The following STEAP3 variants were observed in gnomAD, a reference collection of about 807,000 sequenced individuals.
STEAP3 encodes the protein STEAP3 metalloreductase, also known as metalloreductase STEAP3.
In STEAP3, 35 loss-of-function variants were observed where a neutral mutation model predicts 34.9. The observed-to-expected ratio is 1.00, with a 90% CI of 0.76 to 1.33. The LOEUF is 1.33. Among genes scored for constraint, STEAP3 ranks in the 40% most tolerant of loss-of-function variants. The pLI is 0.00. For synonymous variants in STEAP3, 281 were observed against 301.6 expected (o/e 0.93, Z 0.71); for missense variants, 652 against 667.6 (o/e 0.98, Z 0.26).
chr2:119,230,666 A>C lies in STEAP3; in HGVS notation c.-347A>C. ...CATCCTGGGTTCTACTGGTCGTCCC[A>C]CCTCAGTTCCTGTAGCAAAGAGACT... On this transcript the variant is annotated 5_prime_UTR_variant, in exon 2 of 6. Coordinates refer to ENST00000393110, the MANE Select transcript of STEAP3 (RefSeq NM_182915.3). The C allele has an allele frequency of 2.4e-6, 1 of 409,424 alleles. No individual in the cohort carries two copies. Among genetic ancestry groups the C allele is most frequent in the East Asian group, 4.2e-5 (1 of 23,792 alleles). 25.4% of individuals were successfully genotyped at this position (409,424 alleles called of 1,614,324 possible). A position where few individuals can be genotyped will look rare whatever the true frequency, so the allele number is the denominator to read the frequency against.
In STEAP3 at chr2:119,236,172, T is replaced by TGG. The variant is rs1446158471; in HGVS notation, c.22+5138_22+5139insGG. 3.3e-5 allele frequency among the ~76,000 whole-genome samples: 5 copies of TGG among 152,238 alleles called. 1 individual carries two copies. The highest frequency in any genetic ancestry group is 4.1e-4 in the South Asian group (2 of 4,830). ...GTGTATTGATTTGGGTGCATCTATT[T>TGG]CTGCTTTACCCAGACAAAAAGATTT... On this transcript the variant is annotated intron_variant, in intron 2 of 5. Transcript: ENST00000393110.
At position 119,263,278 on chromosome 2, in the gene STEAP3, C is replaced by T. The variant is rs781682924; in HGVS notation, c.1437C>T (p.Ser479=). 4 of 1,614,046 alleles carry T rather than the reference C, an allele frequency of 2.5e-6. No homozygotes were observed. The highest frequency in any genetic ancestry group is 3.4e-6 in the Non-Finnish European group (4 of 1,180,026). Residue 479 remains serine (S), a synonymous_variant, in exon 6 of 6, where the codon AGC becomes AGT. Transcript: ENST00000393110. ...ARIRRGWERE[S]TIKFTLPTDH... ...TCCGGAGAGGCTGGGAGAGGGAGAG[C>T]ACCATCAAGTTCACGCTGCCCACAG...
At chr2:119,249,473 A>G (rs992419987) in intron 4 of STEAP3, among the ~76,000 whole-genome samples, 35 of 152,102 alleles carry the variant, frequency 2.3e-4, no homozygotes, top group African/African-American at 8.0e-4. Context: ...TGCCCACTCC[A>G]GGACGCTAGT....
At chr2:119,240,045 A>G (rs2104808141) in intron 2 of STEAP3, among the ~76,000 whole-genome samples, 1 of 152,318 alleles carries the variant, frequency 6.6e-6, no homozygotes, top group East Asian at 1.9e-4. Flanking sequence ...TTAATTGAAA[A>G]TAAGTAGCTG....
At chr2:119,261,762 G>A (rs1156298951) in intron 5 of STEAP3, among the ~76,000 whole-genome samples, 1 of 152,212 alleles carries the variant, frequency 6.6e-6, no homozygotes, top group Non-Finnish European at 1.5e-5. Flanking sequence ...CCAAGAGGCT[G>A]GAGTCATAGA....
At chr2:119,229,957 C>T (rs1046289512) in intron 1 of STEAP3, among the ~76,000 whole-genome samples, 45 of 152,088 alleles carry the variant, frequency 3.0e-4, no homozygotes, top group Admixed American at 2.6e-4. Context: ...CAGGGGGCCA[C>T]AGCAGTCAGA....
chr2:119,245,472 C>T lies in STEAP3; in HGVS notation c.23-17C>T. On this transcript the variant is annotated splice_polypyrimidine_tract_variant and intron_variant, in intron 2 of 5. Coordinates refer to ENST00000393110, the MANE Select transcript of STEAP3 (RefSeq NM_182915.3). Reference sequence around the variant, plus strand: ...CCAGGAGCCCTCCACTGACCAGGTTCCTGACTTCTCTTGCAGCCACCAAAA... The same window carrying T: ...CCAGGAGCCCTCCACTGACCAGGTTTCTGACTTCTCTTGCAGCCACCAAAA... 6.4e-7 allele frequency: 1 copy of T among 1,563,190 alleles called. No individual in the cohort carries two copies. Among genetic ancestry groups the T allele is most frequent in the Non-Finnish European group, 8.7e-7 (1 of 1,149,666 alleles).
At chr2:119,242,586 A>G (rs556579620) in intron 2 of STEAP3, among the ~76,000 whole-genome samples, 1 of 152,130 alleles carries the variant, frequency 6.6e-6, no homozygotes, top group Admixed American at 6.5e-5. Context: ...CCTGGGCCCT[A>G]CTGCTGGCAC....
At chr2:119,251,466 A>C (rs982593882) in intron 4 of STEAP3, among the ~76,000 whole-genome samples, 20 of 152,166 alleles carry the variant, frequency 1.3e-4, no homozygotes, top group African/African-American at 4.3e-4. Flanking sequence ...ATTTCCCTGG[A>C]AATACACATT....
intron 2 of STEAP3, among the ~76,000 whole-genome samples, chr2:119,238,724 A>G (rs1454717874): frequency 2.0e-5 from 3 of 152,182 alleles, no homozygotes; most frequent in Non-Finnish European, 2.9e-5. Context: ...GCTTACACAA[A>G]GGCTCTGTGA....
At position 119,264,808 on chromosome 2, in the gene STEAP3, C is replaced by CG. The variant is rs1558762673; in HGVS notation, c.*1470_*1471insG. 1 of 126,608 alleles carries CG rather than the reference C, an allele frequency of 7.9e-6. No individual in the cohort carries two copies. The highest frequency in any genetic ancestry group is 2.9e-5 in the African/African-American group (1 of 34,548). The allele number at this position is 126,608 out of a possible 1,614,324, so 7.8% of individuals were successfully genotyped here. On this transcript the variant is annotated 3_prime_UTR_variant, in exon 6 of 6. Coordinates refer to ENST00000393110, the MANE Select transcript of STEAP3 (RefSeq NM_182915.3). ...TCACAGATGAGGCTGCCCCTGCCCC[C>CG]CCCCCGCCAGGGAGGTTTCATGAGC...
At chr2:119,249,015 G>A (rs77043383) in intron 4 of STEAP3, 8,601 of 151,930 alleles carry the variant, frequency 0.057, 304 homozygotes, top group Middle Eastern at 0.11. Flanking sequence ...TGGAATTGCC[G>A]CTGGAATGGC....
intron 2 of STEAP3, among the ~76,000 whole-genome samples, chr2:119,233,020 G>A (rs2104795672): frequency 6.6e-6 from 1 of 152,340 alleles, no homozygotes; most frequent in South Asian, 2.1e-4. Context: ...AAGAGCTTTG[G>A]GTGGGAAGTG....
At chr2:119,260,305 C>CGAGT (rs1553441117) in intron 5 of STEAP3, among the ~76,000 whole-genome samples, 1 of 130,484 alleles carries the variant, frequency 7.7e-6, no homozygotes, top group Non-Finnish European at 1.7e-5. Context: ...AAGACTTACT[C>CGAGT]TTTTTTTTTT....
intron 1 of STEAP3, among the ~76,000 whole-genome samples, chr2:119,227,992 G>T (rs1171757874): frequency 6.6e-6 from 1 of 152,082 alleles, no homozygotes; most frequent in East Asian, 1.9e-4. Flanking sequence ...ACCACACCCA[G>T]CTAATTTTTG....
At chr2:119,237,696 T>A (rs185567088) in intron 2 of STEAP3, among the ~76,000 whole-genome samples, 84 of 152,360 alleles carry the variant, frequency 5.5e-4, no homozygotes, top group Admixed American at 5.4e-3. Flanking sequence ...CTAGTAGCAG[T>A]CTGCCATACC....
rs116414511 is a variant in STEAP3 at position 119,234,279 on chromosome 2, A to C, written c.22+3245A>C. On this transcript the variant is annotated intron_variant, in intron 2 of 5. Coordinates refer to ENST00000393110, the MANE Select transcript of STEAP3 (RefSeq NM_182915.3). ...GGAGGGGTGGGGGCAGCCACAGCCC[A>C]CAAGACCCACCAGTCCCAGGGTTTG... Among the ~76,000 whole-genome samples, 1,420 of 152,296 alleles carry C rather than the reference A, an allele frequency of 9.3e-3. 18 individuals carry two copies. The highest frequency in any genetic ancestry group is 0.032 in the African/African-American group (1,339 of 41,570).
Position 119,230,622 on chromosome 2 carries a change from G to T in STEAP3, c.-391G>T. 1 of 281,756 alleles carries T rather than the reference G, an allele frequency of 3.5e-6. No individual in the cohort carries two copies. Among genetic ancestry groups the T allele is most frequent in the African/African-American group, 2.1e-5 (1 of 47,524 alleles). The allele number at this position is 281,756 out of a possible 1,614,324, so 17.5% of individuals were successfully genotyped here. A position where few individuals can be genotyped will look rare whatever the true frequency, so the allele number is the denominator to read the frequency against. ...TCACGTGTGTGTGCGCGCGTTAGAT[G>T]ACATTTATTCATTTTATGCATCCTG... On this transcript the variant is annotated splice_region_variant and 5_prime_UTR_variant, in exon 2 of 6. The change abolishes an upstream ATG in the 5' untranslated region. Transcript: ENST00000393110.
intron 1 of STEAP3, among the ~76,000 whole-genome samples, chr2:119,226,197 G>C (rs1479107168): frequency 6.6e-6 from 1 of 152,238 alleles, no homozygotes; most frequent in Non-Finnish European, 1.5e-5. Flanking sequence ...ACAACTGAGA[G>C]GGCTGGGGTG....
Sources: allele counts gnomAD v4.1 joint callset (sites outside exome capture counted in the v4.1 genomes callset), GRCh38; gene constraint gnomAD v4.1.1; transcripts MANE v1.5; gene names NCBI Gene and HGNC (gene_info 2026-07-23, HGNC 2026-07-21).